Variants in EPS8 observed in about 807,000 individuals in gnomAD.
EPS8 encodes epidermal growth factor receptor kinase substrate 8.
EPS8 carries 42 observed loss-of-function variants against 103.8 expected under a neutral mutation model. The ratio of observed to expected loss-of-function variants is 0.40; its 90% CI spans 0.32 to 0.52. EPS8 has a LOEUF of 0.52. EPS8 is among the 20% of genes least tolerant of loss of function. The pLI is 0.40. For missense variants in EPS8, 969 were observed against 1,005.1 expected (o/e 0.96, Z 0.49); for synonymous variants, 344 against 344.6 (o/e 1.00, Z 0.02).
At chr12:15,744,545 T>TA (rs1179981234) in intron 1 of EPS8, among the ~76,000 whole-genome samples, 2 of 152,228 alleles carry the variant, frequency 1.3e-5, no homozygotes. Flanking sequence ...TCCAGGCTCT[T>TA]TTTTAAGTGC....
At chr12:15,788,176 CAA>C (rs1400763177) in intron 1 of EPS8, among the ~76,000 whole-genome samples, 1 of 152,218 alleles carries the variant, frequency 6.6e-6, no homozygotes, top group East Asian at 1.9e-4. Context: ...CATCTGAAAT[CAA>C]GTTTTACCTG....
At chr12:15,783,599 C>T (rs868446459) in intron 1 of EPS8, among the ~76,000 whole-genome samples, 6 of 151,806 alleles carry the variant, frequency 4.0e-5, no homozygotes, top group Non-Finnish European at 7.4e-5. Flanking sequence ...TCCTTTATTC[C>T]AGATCCTTTT....
At chr12:15,774,655 T>C (rs1312104397) in intron 1 of EPS8, among the ~76,000 whole-genome samples, 1 of 147,458 alleles carries the variant, frequency 6.8e-6, no homozygotes, top group South Asian at 2.1e-4. Context: ...ATATAAAATA[T>C]ATATACACAC....
At chr12:15,667,842 G>T (rs1945743348) in intron 6 of EPS8, among the ~76,000 whole-genome samples, 1 of 152,098 alleles carries the variant, frequency 6.6e-6, no homozygotes, top group Non-Finnish European at 1.5e-5. Flanking sequence ...AGCTTTTGGG[G>T]TTAGGACAAA....
intron 3 of EPS8, chr12:15,671,749 CA>C (rs778337472): frequency 1.2e-4 from 19 of 152,038 alleles, no homozygotes; most frequent in Non-Finnish European, 2.2e-4. Context: ...CATCTCTGCA[CA>C]GGGGTCATGC....
At chr12:15,691,725 C>T (rs1456446803) in intron 1 of EPS8, among the ~76,000 whole-genome samples, 4 of 152,158 alleles carry the variant, frequency 2.6e-5, no homozygotes, top group Non-Finnish European at 4.4e-5. Flanking sequence ...TACAGATACA[C>T]CACATTTTTG....
At position 15,637,638 on chromosome 12, in the gene EPS8, T is replaced by C. The variant is rs559400122; in HGVS notation, c.1821+3065A>G. Among the ~76,000 whole-genome samples, 8 of 152,360 alleles carry C rather than the reference T, an allele frequency of 5.3e-5. No homozygotes were observed. The South Asian group carries it at 1.4e-3, about 28-fold the overall frequency. On this transcript the variant is annotated intron_variant, in intron 17 of 20. Coordinates refer to ENST00000281172, the MANE Select transcript of EPS8 (RefSeq NM_004447.6). ...TCTGTGAATGTGAAGCAAATTTAAG[T>C]AATGAATCATTGCTTCCTTTTGGCA...
chr12:15,755,603 A>T (rs1347948181), intron 1 of EPS8, among the ~76,000 whole-genome samples: 1 of 152,226 alleles, frequency 6.6e-6, no homozygotes, highest in Non-Finnish European at 1.5e-5. Context: ...AAAAGAAAGT[A>T]TTCATCTTGG....
chr12:15,710,953 C>G (rs1486384922), intron 1 of EPS8, among the ~76,000 whole-genome samples: 1 of 152,170 alleles, frequency 6.6e-6, no homozygotes, highest in Non-Finnish European at 1.5e-5. Context: ...ATGGCAGTCT[C>G]AGTCTCCTGG....
rs572226652 is a variant in EPS8 at position 15,723,621 on chromosome 12, A to G, written c.-21-40649T>C. On this transcript the variant is annotated intron_variant, in intron 1 of 20. Transcript: ENST00000281172. ...TAAAAAATTAACGTAGACCTATTCT[A>G]TATCTACACTTCAAAAAAGGTTATA... Among the ~76,000 whole-genome samples the G allele has an allele frequency of 2.6e-5, 4 of 152,306 alleles. No homozygotes were observed. The South Asian group carries it at 8.3e-4, about 32-fold the overall frequency.
At position 15,734,225 on chromosome 12, in the gene EPS8, T is replaced by C. The variant is rs1199212234; in HGVS notation, c.-21-51253A>G. Among the ~76,000 whole-genome samples, 1 of 152,158 alleles carries C rather than the reference T, an allele frequency of 6.6e-6. No individual in the cohort carries two copies. The highest frequency in any genetic ancestry group is 2.4e-5 in the African/African-American group (1 of 41,440). ...GTGTAGTTCTAAAAATGTCAATGCTTTCAAGACCATATAATCAGTTTAGTT... is the reference window on the plus strand; with the variant it reads ...GTGTAGTTCTAAAAATGTCAATGCTCTCAAGACCATATAATCAGTTTAGTT... On this transcript the variant is annotated intron_variant, in intron 1 of 20. Coordinates refer to ENST00000281172, the MANE Select transcript of EPS8 (RefSeq NM_004447.6). The surrounding 1 kb of genome is among the most constrained non-coding windows in gnomAD (Gnocchi z 4.1).
At position 15,785,686 on chromosome 12, in the gene EPS8, C is replaced by T. The variant is rs1361114551; in HGVS notation, c.-22+3475G>A. On this transcript the variant is annotated intron_variant, in intron 1 of 20. Transcript: ENST00000281172. The surrounding 1 kb of genome is among the most constrained non-coding windows in gnomAD (Gnocchi z 4.9). ...CAGATCTTGGTTTCTAACACCATTC[C>T]CCAACAAAATGATCCAGATTCCTTG... 6.6e-6 allele frequency among the ~76,000 whole-genome samples: 1 copy of T among 151,910 alleles called. No individual in the cohort carries two copies. The highest frequency in any genetic ancestry group is 1.5e-5 in the Non-Finnish European group (1 of 67,900).
chr12:15,691,130 A>G (rs1195961018), intron 1 of EPS8, among the ~76,000 whole-genome samples: 1 of 151,704 alleles, frequency 6.6e-6, no homozygotes, highest in East Asian at 1.9e-4. Flanking sequence ...AAGCATCTTT[A>G]AGAAAAGACC....
intron 18 of EPS8, among the ~76,000 whole-genome samples, chr12:15,630,115 A>C (rs1205047851): frequency 6.6e-6 from 1 of 152,082 alleles, no homozygotes. Flanking sequence ...GTTTATGTGG[A>C]AAACGAAGGC....
intron 8 of EPS8, chr12:15,662,770 A>AACTGACTC: frequency 4.7e-6 from 2 of 422,576 alleles, no homozygotes; most frequent in South Asian, 9.8e-5. Flanking sequence ...TGAGTCAGTT[A>AACTGACTC]ATACTGCCTC....
In EPS8 at chr12:15,727,018, G is replaced by C. The variant is rs1444373412; in HGVS notation, c.-21-44046C>G. 1.3e-5 allele frequency among the ~76,000 whole-genome samples: 2 copies of C among 152,150 alleles called. No individual in the cohort carries two copies. The highest frequency in any genetic ancestry group is 2.9e-5 in the Non-Finnish European group (2 of 68,016). On this transcript the variant is annotated intron_variant, in intron 1 of 20. Coordinates refer to ENST00000281172, the MANE Select transcript of EPS8 (RefSeq NM_004447.6). This position sits in a 1 kb window ranked among gnomAD's most constrained non-coding sequence, Gnocchi z 4.3. ...ACATATGACAACTTAGATTTCAATT[G>C]TTAAACAGTTAAGAATGACTACAGT...
rs963220458 is a variant in EPS8, at chr12:15,762,377, G to C, written c.-22+26784C>G. Among the ~76,000 whole-genome samples the C allele has an allele frequency of 6.6e-6, 1 of 152,258 alleles. No homozygotes were observed. The highest frequency in any genetic ancestry group is 6.5e-5 in the Admixed American group (1 of 15,294). Reference sequence around the variant, plus strand: ...CAACCGCTATGCAGAACAGTTTGGCGGTGCCTCAAAAAACTAAAAGGAGAG... The same window carrying C: ...CAACCGCTATGCAGAACAGTTTGGCCGTGCCTCAAAAAACTAAAAGGAGAG... On this transcript the variant is annotated intron_variant, in intron 1 of 20. Transcript: ENST00000281172. This position sits in a 1 kb window ranked among gnomAD's most constrained non-coding sequence, Gnocchi z 4.8.
At chr12:15,662,485 T>G (rs1220051058) in intron 8 of EPS8, 2 of 998,644 alleles carry the variant, frequency 2.0e-6, no homozygotes, top group Non-Finnish European at 2.4e-6. Flanking sequence ...TAAGTTCTAA[T>G]GCAACAGAGC....
chr12:15,744,512 G>T (rs899148469), intron 1 of EPS8, among the ~76,000 whole-genome samples: 4 of 152,162 alleles, frequency 2.6e-5, no homozygotes, highest in African/African-American at 7.2e-5. Flanking sequence ...CATTGAGAAG[G>T]ATTCTCATGA....
Sources: allele counts gnomAD v4.1 joint callset (sites outside exome capture counted in the v4.1 genomes callset), GRCh38; gene constraint gnomAD v4.1.1; non-coding constraint Gnocchi (gnomAD v3.1); transcripts MANE v1.5; gene names NCBI Gene and HGNC (gene_info 2026-07-23, HGNC 2026-07-21).